ZCWPW2: variants seen among roughly 807,000 people sequenced by gnomAD.
ZCWPW2 encodes the protein zinc finger CW-type PWWP domain protein 2.
Under a neutral mutation model 46.6 loss-of-function variants are expected in ZCWPW2, and 45 were observed. The ratio of observed to expected loss-of-function variants is 0.96; its 90% CI spans 0.76 to 1.24. ZCWPW2 has a LOEUF of 1.24. Ranked by LOEUF, ZCWPW2 falls within the 50% of genes most tolerant of loss-of-function variation. The probability of loss-of-function intolerance (pLI) is 0.00; values close to 1 mark genes in which losing one functional copy is unlikely to be tolerated. For synonymous variants in ZCWPW2, 152 were observed against 137.1 expected, an observed-to-expected ratio of 1.11 and a Z score of -0.76; for missense variants, 429 against 403.9, an observed-to-expected ratio of 1.06 and a Z score of -0.53.
intron 4 of ZCWPW2, among the ~76,000 whole-genome samples, chr3:28,458,978 C>T (rs920764801): frequency 1.3e-5 from 2 of 152,204 alleles, no homozygotes; most frequent in Non-Finnish European, 2.9e-5. Flanking sequence ...TGCCATTGTT[C>T]GTTTTGTGTT....
intron 1 of ZCWPW2, among the ~76,000 whole-genome samples, chr3:28,388,113 G>T (rs1372510340): frequency 1.3e-5 from 2 of 151,958 alleles, no homozygotes; most frequent in African/African-American, 4.8e-5. Flanking sequence ...TTCTTGCTTG[G>T]GGCAGGTCAG....
chr3:28,441,507 G>T (rs1374962657), intron 4 of ZCWPW2, among the ~76,000 whole-genome samples: 1 of 152,178 alleles, frequency 6.6e-6, no homozygotes, highest in African/African-American at 2.4e-5. Flanking sequence ...TAGTGCTGCA[G>T]CTGTCCACTT....
chr3:28,364,653 T>C (rs1705061426), intron 1 of ZCWPW2, among the ~76,000 whole-genome samples: 1 of 152,190 alleles, frequency 6.6e-6, no homozygotes, highest in African/African-American at 2.4e-5. Context: ...CATTCTTTTT[T>C]TTTATTATAC....
At chr3:28,502,013 C>G (rs1173527605) in intron 6 of ZCWPW2, among the ~76,000 whole-genome samples, 1 of 152,032 alleles carries the variant, frequency 6.6e-6, no homozygotes, top group Non-Finnish European at 1.5e-5. Context: ...ATGAGCCACC[C>G]ACATCCCACC....
At chr3:28,445,463 A>G (rs1697953065) in intron 4 of ZCWPW2, among the ~76,000 whole-genome samples, 2 of 152,236 alleles carry the variant, frequency 1.3e-5, no homozygotes, top group Middle Eastern at 6.8e-3. Flanking sequence ...GTTGGGGAAG[A>G]TAAGCTGGTA....
chr3:28,356,197 G>A (rs192762998), intron 1 of ZCWPW2, among the ~76,000 whole-genome samples: 6 of 152,310 alleles, frequency 3.9e-5, no homozygotes, highest in Admixed American at 2.6e-4. Context: ...CAAAGGATAT[G>A]AACAGACACT....
intron 6 of ZCWPW2, among the ~76,000 whole-genome samples, chr3:28,510,709 G>C (rs1163003175): frequency 6.6e-6 from 1 of 152,064 alleles, no homozygotes; most frequent in Non-Finnish European, 1.5e-5. Context: ...CTACAGGAGA[G>C]CATTCCTAGC....
intron 1 of ZCWPW2, among the ~76,000 whole-genome samples, chr3:28,355,157 T>A (rs1704684109): frequency 6.6e-6 from 1 of 152,200 alleles, no homozygotes; most frequent in Non-Finnish European, 1.5e-5. Flanking sequence ...CAGCAAAGTC[T>A]CAGGACGCAA....
At chr3:28,380,324 C>G (rs1176901971) in intron 1 of ZCWPW2, among the ~76,000 whole-genome samples, 1 of 152,046 alleles carries the variant, frequency 6.6e-6, no homozygotes, top group Admixed American at 6.6e-5. Flanking sequence ...CCCTCACCAC[C>G]CGTATAAATG....
intron 6 of ZCWPW2, among the ~76,000 whole-genome samples, chr3:28,508,949 A>G (rs1700353680): frequency 1.3e-5 from 2 of 152,144 alleles, no homozygotes; most frequent in Non-Finnish European, 2.9e-5. Flanking sequence ...CTTTGCAACC[A>G]ACATCACTAG....
chr3:28,359,951 A>G (rs1296497449), intron 1 of ZCWPW2, among the ~76,000 whole-genome samples: 1 of 152,166 alleles, frequency 6.6e-6, no homozygotes, highest in African/African-American at 2.4e-5. Flanking sequence ...AAATCATTGA[A>G]ATTTATTTGT....
chr3:28,358,836 AC>A lies in ZCWPW2; in HGVS notation c.-134+9641del, dbSNP rs113738591. ...GGAGGAGGAATTTATATCTCATTTTACCCCCCCCAACAATCCTTTTTCTGAA... is the reference window on the plus strand; with the variant it reads ...GGAGGAGGAATTTATATCTCATTTTACCCCCCCAACAATCCTTTTTCTGAA... On this transcript the variant is annotated intron_variant, in intron 1 of 9. Transcript: ENST00000383768. 2.6e-3 allele frequency among the ~76,000 whole-genome samples: 394 copies of A among 151,038 alleles called. 1 individual carries two copies. The highest frequency in any genetic ancestry group is 8.5e-3 in the African/African-American group (350 of 41,170).
chr3:28,425,941 C>A (rs1440277056), intron 3 of ZCWPW2, among the ~76,000 whole-genome samples: 2 of 151,990 alleles, frequency 1.3e-5, no homozygotes, highest in Non-Finnish European at 2.9e-5. Context: ...GAAACCCTGT[C>A]TCTACTAAAA....
intron 4 of ZCWPW2, among the ~76,000 whole-genome samples, chr3:28,460,593 G>T (rs1698592481): frequency 6.6e-6 from 1 of 152,158 alleles, no homozygotes; most frequent in South Asian, 2.1e-4. Context: ...TGATGCACAT[G>T]GGTATAATGT....
rs141596197 is a variant in ZCWPW2, at chr3:28,435,167, G to A, written c.390G>A (p.Pro130=). 285 of 1,613,514 alleles carry A rather than the reference G, an allele frequency of 1.8e-4. No individual in the cohort carries two copies. The highest frequency in any genetic ancestry group is 1.4e-3 in the African/African-American group (103 of 75,008). Residue 130 remains proline (P), a synonymous_variant, in exon 4 of 10, where the codon CCG becomes CCA. Transcript: ENST00000383768. Reference sequence around the variant, plus strand: ...AAGGGAAATATGTAACTTATGACCCGGATGGAAATGTTGAAGAGTATCACA... The same window carrying A: ...AAGGGAAATATGTAACTTATGACCCAGATGGAAATGTTGAAGAGTATCACA... ...RFKGKYVTYD[P]DGNVEEYHIE... is the part of the protein sequence containing the mutation.
intron 4 of ZCWPW2, among the ~76,000 whole-genome samples, chr3:28,437,316 T>G (rs566164000): frequency 1.3e-5 from 2 of 152,338 alleles, no homozygotes; most frequent in African/African-American, 4.8e-5. Flanking sequence ...TCTAAATTAA[T>G]TCTTCTAAAT....
chr3:28,388,125 C>T (rs924971233), intron 1 of ZCWPW2, among the ~76,000 whole-genome samples: 4 of 152,080 alleles, frequency 2.6e-5, no homozygotes, highest in Admixed American at 2.0e-4. Flanking sequence ...GCAGGTCAGT[C>T]TTTCTTTTAT....
intron 4 of ZCWPW2, among the ~76,000 whole-genome samples, chr3:28,466,365 T>C (rs1446303523): frequency 2.0e-5 from 3 of 152,140 alleles, no homozygotes; most frequent in African/African-American, 7.2e-5. Flanking sequence ...AATAAAGAAG[T>C]AACCATTTTG....
At position 28,420,228 on chromosome 3, in the gene ZCWPW2, G is replaced by A. The variant is rs139565006; in HGVS notation, c.332+6828G>A. On this transcript the variant is annotated intron_variant, in intron 3 of 9. Coordinates refer to ENST00000383768, the MANE Select transcript of ZCWPW2 (RefSeq NM_001040432.4). Reference sequence around the variant, plus strand: ...CTTCTCTAGTTCTTTTAATTGTGGCGTTAGGGTGTCAGTTTTAGATCTTTC... The same window carrying A: ...CTTCTCTAGTTCTTTTAATTGTGGCATTAGGGTGTCAGTTTTAGATCTTTC... Among the ~76,000 whole-genome samples the A allele has an allele frequency of 6.7e-3, 1,018 of 152,096 alleles. 9 individuals are homozygous for A. Among genetic ancestry groups the A allele is most frequent in the African/African-American group, 0.02 (845 of 41,478 alleles).
Sources: allele counts gnomAD v4.1 joint callset (sites outside exome capture counted in the v4.1 genomes callset), GRCh38; gene constraint gnomAD v4.1.1; transcripts MANE v1.5; gene names NCBI Gene and HGNC (gene_info 2026-07-23, HGNC 2026-07-21).